The following PRTG variants were observed in gnomAD, a reference collection of about 807,000 sequenced individuals.
The protein encoded by PRTG is protogenin.
Under a neutral mutation model 122.5 loss-of-function variants are expected in PRTG, and 67 were observed. That is an observed-to-expected ratio of 0.55 (90% CI 0.45 to 0.67). PRTG has a LOEUF of 0.67. Among genes scored for constraint, PRTG ranks in the 30% least tolerant of loss-of-function variants. PRTG has a pLI of 0.00. For synonymous variants in PRTG, 554 were observed against 501.1 expected, an observed-to-expected ratio of 1.11 and a Z score of -1.41; for missense variants, 1,435 against 1,415.4, an observed-to-expected ratio of 1.01 and a Z score of -0.22.
At chr15:55,620,629 A>C in intron 19 of PRTG, 34 bp downstream of exon 19, 2 of 1,560,112 alleles carry the variant, frequency 1.3e-6, no homozygotes, top group Non-Finnish European at 1.7e-6. Context: ...TATATCACGC[A>C]TTGCCAAAAA....
intron 11 of PRTG, among the ~76,000 whole-genome samples, chr15:55,671,709 C>G (rs796283564): frequency 7.2e-5 from 11 of 152,218 alleles, no homozygotes; most frequent in African/African-American, 2.4e-4. Flanking sequence ...CCATGTTGGC[C>G]AGGCTGGTCT....
chr15:55,619,669 C>A lies in PRTG; in HGVS notation c.*343G>T. ...TGATATATTTTATAATCCAGTCAAA[C>A]ATCTCGACCGTTCTTTCACATTGCT... On this transcript the variant is annotated 3_prime_UTR_variant, in exon 20 of 20. Transcript: ENST00000389286. 1 of 224,922 alleles carries A rather than the reference C, an allele frequency of 4.4e-6. No homozygotes were observed. The highest frequency in any genetic ancestry group is 8.6e-5 in the South Asian group (1 of 11,672). The allele number at this position is 224,922 out of a possible 1,614,324, so 13.9% of individuals were successfully genotyped here. A position where few individuals can be genotyped will look rare whatever the true frequency, so the allele number is the denominator to read the frequency against.
chr15:55,660,357 CT>C, intron 11 of PRTG, among the ~76,000 whole-genome samples: 1 of 151,968 alleles, frequency 6.6e-6, no homozygotes, highest in East Asian at 1.9e-4. Context: ...TAATGGGTTT[CT>C]TTTAAAAAAA....
intron 11 of PRTG, among the ~76,000 whole-genome samples, chr15:55,660,019 A>AT (rs1022036499): frequency 6.6e-6 from 1 of 152,150 alleles, no homozygotes; most frequent in African/African-American, 2.4e-5. Flanking sequence ...TCCATAAGTA[A>AT]TTTTTTCTAA....
In PRTG at chr15:55,740,423, T is replaced by C. The variant is rs1358553307; in HGVS notation, c.356A>G (p.Tyr119Cys). Reference protein sequence around the residue: ...GFYQCLAMNKYGAILSQKAHL... With the variant: ...GFYQCLAMNKCGAILSQKAHL... ...AGCTTTTTGACTAAGAATGGCTCCA[T>C]ATTTGTTCATTGCCAAGCACTGATA... Residue 119 changes from tyrosine (Y) to cysteine (C), a missense_variant, in exon 2 of 20, where the codon TAT becomes TGT. Physicochemically the swap from Tyr to Cys is radical, Grantham distance 194 (BLOSUM62 -2). Coordinates refer to ENST00000389286, the MANE Select transcript of PRTG (RefSeq NM_173814.6). The C allele has an allele frequency of 2.5e-6, 4 of 1,613,560 alleles. No homozygotes were observed. The African/African-American group carries it at 5.3e-5, about 22-fold the overall frequency.
At chr15:55,699,676 G>A (rs2059651342) in intron 2 of PRTG, among the ~76,000 whole-genome samples, 1 of 152,180 alleles carries the variant, frequency 6.6e-6, no homozygotes. Flanking sequence ...ACAGAAATGT[G>A]TTGGGACTTA....
intron 11 of PRTG, among the ~76,000 whole-genome samples, chr15:55,643,976 T>C (rs564239705): frequency 2.6e-5 from 4 of 151,108 alleles, no homozygotes; most frequent in African/African-American, 9.7e-5. Flanking sequence ...GTAATCCTCC[T>C]ACCTTAGCCC....
At position 55,624,649 on chromosome 15, in the gene PRTG, G is replaced by A. The variant is rs141843886; in HGVS notation, c.2928-142C>T. The stretch of plus-strand genomic sequence containing the variant: ...CAAATATTTTTAGAATCGAGTGTTA[G>A]ATTTTAACTTACTGCTGCAAACTTT... On this transcript the variant is annotated intron_variant, in intron 17 of 19. Coordinates refer to ENST00000389286, the MANE Select transcript of PRTG (RefSeq NM_173814.6). 25 of 600,202 alleles carry A rather than the reference G, an allele frequency of 4.2e-5. 1 individual carries two copies. Among genetic ancestry groups the A allele is most frequent in the African/African-American group, 3.8e-4 (20 of 53,216 alleles). 37.2% of individuals were successfully genotyped at this position (600,202 alleles called of 1,614,324 possible).
chr15:55,733,079 C>T (rs555191780), intron 2 of PRTG, among the ~76,000 whole-genome samples: 35 of 152,176 alleles, frequency 2.3e-4, no homozygotes, highest in Non-Finnish European at 1.9e-4. Flanking sequence ...CATAGTGGCA[C>T]GTGCCCATAG....
At chr15:55,730,517 T>C (rs1291553496) in intron 2 of PRTG, among the ~76,000 whole-genome samples, 3 of 152,084 alleles carry the variant, frequency 2.0e-5, no homozygotes, top group Admixed American at 6.6e-5. Context: ...GTAGTGACTA[T>C]AGGCTAGATG....
At chr15:55,692,900 G>A (rs1391766662) in intron 2 of PRTG, among the ~76,000 whole-genome samples, 4 of 133,420 alleles carry the variant, frequency 3.0e-5, no homozygotes, top group African/African-American at 8.4e-5. Flanking sequence ...GAGTGCAGTC[G>A]TGCGATCTCA....
intron 11 of PRTG, among the ~76,000 whole-genome samples, chr15:55,642,180 C>CA (rs761440348): frequency 0.1 from 6,862 of 65,926 alleles, 419 homozygotes; most frequent in African/African-American, 0.12. Flanking sequence ...GACTCCGTCT[C>CA]AAAAAAAAAA....
At chr15:55,689,091 T>C (rs891576332) in intron 2 of PRTG, among the ~76,000 whole-genome samples, 4 of 152,200 alleles carry the variant, frequency 2.6e-5, no homozygotes, top group Admixed American at 1.3e-4. Flanking sequence ...CAGCCTCTTA[T>C]CTTGTTTCTG....
intron 11 of PRTG, among the ~76,000 whole-genome samples, chr15:55,671,032 C>T (rs558547180): frequency 6.6e-6 from 1 of 152,104 alleles, no homozygotes; most frequent in East Asian, 1.9e-4. Flanking sequence ...TAACTGAATG[C>T]AGATTAAATT....
intron 2 of PRTG, among the ~76,000 whole-genome samples, chr15:55,691,147 T>G (rs149313976): frequency 0.011 from 1,627 of 151,866 alleles, 36 homozygotes; most frequent in African/African-American, 0.038. Flanking sequence ...ATACAAAAAA[T>G]TAGCTGGGTG....
chr15:55,739,263 ATTTTT>A (rs754596379), intron 2 of PRTG, among the ~76,000 whole-genome samples: 2 of 143,484 alleles, frequency 1.4e-5, no homozygotes, highest in Admixed American at 6.9e-5. Context: ...GTGGTTTTGT[ATTTTT>A]TTTTTTTTTT....
At chr15:55,652,241 G>A (rs1268684437) in intron 11 of PRTG, among the ~76,000 whole-genome samples, 1 of 152,098 alleles carries the variant, frequency 6.6e-6, no homozygotes, top group Non-Finnish European at 1.5e-5. Context: ...CAGAAAATAT[G>A]CTGATATAAC....
chr15:55,638,177 G>A (rs1196461234), intron 14 of PRTG, among the ~76,000 whole-genome samples: 1 of 152,154 alleles, frequency 6.6e-6, no homozygotes, highest in Non-Finnish European at 1.5e-5. Context: ...CTATCAAGCT[G>A]CTATTCATAC....
At chr15:55,728,640 TATC>T (rs1232745269) in intron 2 of PRTG, among the ~76,000 whole-genome samples, 1 of 152,176 alleles carries the variant, frequency 6.6e-6, no homozygotes, top group Non-Finnish European at 1.5e-5. Flanking sequence ...AGCCTCACAA[TATC>T]ATACTCAAAG....
Sources: gnomAD v4.1 joint callset for allele counts (sites outside exome capture counted in the v4.1 genomes callset) on GRCh38, gnomAD v4.1.1 for gene constraint, MANE v1.5 for transcripts, NCBI Gene and HGNC (gene_info 2026-07-23, HGNC 2026-07-21) for gene names.